The following HOMER2 variants were observed in gnomAD, a reference collection of about 807,000 sequenced individuals.
HOMER2 encodes the protein homer protein homolog 2.
A neutral mutation model predicts 47.0 loss-of-function variants in HOMER2; 27 were observed. That is an observed-to-expected ratio of 0.57 (90% CI 0.42 to 0.79). The LOEUF is 0.79. Ranked by LOEUF, HOMER2 falls within the 30% of genes least tolerant of loss-of-function variation. The pLI is 0.00. For missense variants in HOMER2, 443 were observed against 435.0 expected, an observed-to-expected ratio of 1.02 and a Z score of -0.16; for synonymous variants, 161 against 163.8, an observed-to-expected ratio of 0.98 and a Z score of 0.13.
intron 1 of HOMER2, among the ~76,000 whole-genome samples, chr15:82,940,569 C>G (rs1481448048): frequency 6.6e-6 from 1 of 152,134 alleles, no homozygotes; most frequent in Non-Finnish European, 1.5e-5. Context: ...CAGTGAAACC[C>G]CATCTCTACT....
At chr15:82,963,851 T>G (rs1596386296) in intron 1 of HOMER2, among the ~76,000 whole-genome samples, 1 of 152,252 alleles carries the variant, frequency 6.6e-6, no homozygotes, top group South Asian at 2.1e-4. Flanking sequence ...ATTTGGCCTT[T>G]CCTCCTCCAA....
chr15:82,954,078 A>T (rs1670739404), upstream of HOMER2, among the ~76,000 whole-genome samples: 5 of 152,048 alleles, frequency 3.3e-5, no homozygotes, highest in Admixed American at 2.0e-4. Context: ...CTGTCTCAAA[A>T]AAATAAATAA....
At chr15:82,962,061 G>A (rs2054634218) in intron 1 of HOMER2, among the ~76,000 whole-genome samples, 1 of 150,724 alleles carries the variant, frequency 6.6e-6, no homozygotes, top group Admixed American at 6.6e-5. Flanking sequence ...ACTGCACCCA[G>A]CCCACACAAA....
chr15:82,844,769 A>C (rs908996330), downstream of HOMER2: 1 of 152,236 alleles, frequency 6.6e-6, no homozygotes, highest in African/African-American at 2.4e-5. Context: ...TTAAACTCTT[A>C]TATTTGATGC....
chr15:82,920,997 A>T (rs544337856), intron 1 of HOMER2, among the ~76,000 whole-genome samples: 30 of 152,002 alleles, frequency 2.0e-4, no homozygotes, highest in Non-Finnish European at 2.2e-4. Context: ...TAAATGGCTT[A>T]AAAAAAATGA....
At chr15:82,871,232 CT>C (rs1191004539) in intron 3 of HOMER2, among the ~76,000 whole-genome samples, 4 of 152,150 alleles carry the variant, frequency 2.6e-5, no homozygotes, top group African/African-American at 9.7e-5. Context: ...GGAAATAGTC[CT>C]TATAATGGAG....
chr15:82,952,314 G>C (rs944696643), intron 1 of HOMER2, among the ~76,000 whole-genome samples: 6 of 152,184 alleles, frequency 3.9e-5, no homozygotes, highest in African/African-American at 1.4e-4. Context: ...CACGGGCTCC[G>C]CGCCCAGGCC....
At chr15:82,847,994 T>C (rs2151590351), downstream of HOMER2, among the ~76,000 whole-genome samples, 1 of 152,264 alleles carries the variant, frequency 6.6e-6, no homozygotes, top group East Asian at 1.9e-4. Context: ...GGCCACGCTT[T>C]CCACTTCCTG....
intron 7 of HOMER2, 117 bp from the exon 8 acceptor site, chr15:82,851,348 T>C (rs1366793906): frequency 1.0e-5 from 7 of 682,822 alleles, no homozygotes; most frequent in Non-Finnish European, 5.2e-6. Context: ...CCTGTTTGCA[T>C]AGACAGTGAT....
chr15:82,950,163 G>A (rs1421486678), intron 1 of HOMER2, among the ~76,000 whole-genome samples: 14 of 152,150 alleles, frequency 9.2e-5, no homozygotes, highest in Admixed American at 9.2e-4. Context: ...CAATTGAAAG[G>A]GAAGCCACGG....
At position 82,930,421 on chromosome 15, in the gene HOMER2, G is replaced by A. The variant is rs547155411; in HGVS notation, c.5+22110C>T. Among the ~76,000 whole-genome samples, 3 of 152,344 alleles carry A rather than the reference G, an allele frequency of 2.0e-5. No individual in the cohort carries two copies. In the East Asian group the frequency reaches 5.8e-4, roughly 29 times the overall value. On this transcript the variant is annotated intron_variant, in intron 1 of 8. Transcript: ENST00000450735. ...CCATCCTGCAGCCTCAGAGGTAAGC[G>A]TCCGGTGCAATCACAGAGTGCACAG...
At chr15:82,863,886 C>T (rs1011567940) in intron 4 of HOMER2, among the ~76,000 whole-genome samples, 3 of 152,208 alleles carry the variant, frequency 2.0e-5, no homozygotes, top group Admixed American at 6.5e-5. Flanking sequence ...CATGCTGCCT[C>T]GCCTCTGGCA....
At chr15:82,848,852 C>T (rs991469757), downstream of HOMER2, 3 of 152,366 alleles carry the variant, frequency 2.0e-5, no homozygotes, top group East Asian at 1.9e-4. Context: ...CACCCGAGCC[C>T]CAGCTTGGGT....
intron 3 of HOMER2, among the ~76,000 whole-genome samples, chr15:82,871,785 G>T (rs1256445): frequency 0.51 from 77,690 of 152,000 alleles, 20,352 homozygotes; most frequent in African/African-American, 0.62. Context: ...ACAGCTCAAG[G>T]TCTCTTCAGT....
intron 1 of HOMER2, among the ~76,000 whole-genome samples, chr15:82,964,178 G>C (rs2054653722): frequency 6.6e-6 from 1 of 152,192 alleles, no homozygotes; most frequent in African/African-American, 2.4e-5. Flanking sequence ...AACTATAATT[G>C]TCAGAGCTGA....
At chr15:82,985,526 G>GCAAGAAAGGGC (rs1395868442) in intron 1 of HOMER2, 4 of 152,212 alleles carry the variant, frequency 2.6e-5, no homozygotes, top group Non-Finnish European at 5.9e-5. Context: ...GCATGGAAAG[G>GCAAGAAAGGGC]CAAGAAAGGG....
At chr15:82,942,220 T>C (rs2054280986) in intron 1 of HOMER2, among the ~76,000 whole-genome samples, 1 of 152,210 alleles carries the variant, frequency 6.6e-6, no homozygotes, top group East Asian at 1.9e-4. Context: ...TCACCAGCCA[T>C]CTCCCTCAGG....
At chr15:82,928,899 T>C (rs2053923075) in intron 1 of HOMER2, among the ~76,000 whole-genome samples, 1 of 92,930 alleles carries the variant, frequency 1.1e-5, no homozygotes, top group Admixed American at 1.3e-4. Flanking sequence ...GAGCCCCATC[T>C]ACAAAAAAAC....
At chr15:82,868,354 T>C (rs1028357264) in intron 3 of HOMER2, among the ~76,000 whole-genome samples, 2 of 151,058 alleles carry the variant, frequency 1.3e-5, no homozygotes, top group Admixed American at 1.3e-4. Flanking sequence ...ATTTGTCACT[T>C]ATAAGTAGGA....
Sources: allele counts gnomAD v4.1 joint callset (sites outside exome capture counted in the v4.1 genomes callset), GRCh38; gene constraint gnomAD v4.1.1; transcripts MANE v1.5; gene names NCBI Gene and HGNC (gene_info 2026-07-23, HGNC 2026-07-21).